Variants in CFAP20DC observed in about 807,000 individuals in gnomAD.
CFAP20DC encodes the protein protein CFAP20DC.
In CFAP20DC, 84 loss-of-function variants were observed where a neutral mutation model predicts 101.7. The ratio of observed to expected loss-of-function variants is 0.83; its 90% confidence interval spans 0.69 to 0.99. The LOEUF (loss-of-function observed/expected upper bound fraction) is 0.99, where lower values mean the gene tolerates loss of function less well. Ranked by LOEUF, CFAP20DC falls within the 50% of genes least tolerant of loss-of-function variation. The pLI is 0.00. For synonymous variants in CFAP20DC, 359 were observed against 351.2 expected, an observed-to-expected ratio of 1.02 and a Z score of -0.25; for missense variants, 1,007 against 970.3, an observed-to-expected ratio of 1.04 and a Z score of -0.50.
rs1318596483 is a variant in CFAP20DC, at chr3:58,727,889, T to C, written c.198-10261A>G. The C allele has an allele frequency of 2.0e-5, 3 of 152,366 alleles. No homozygotes were observed. In the East Asian group the frequency reaches 5.8e-4, roughly 29 times the overall value. 9.4% of individuals were successfully genotyped at this position (152,366 alleles called of 1,614,324 possible). On this transcript the variant is annotated intron_variant, in intron 3 of 3. Coordinates refer to the CFAP20DC transcript ENST00000486145. ...GATGGAGAAGCCAGCATCTTGAACA[T>C]TACAGTTGCTATGTAGAGTGGAAAA...
rs538601252 is a variant in CFAP20DC at position 58,898,394 on chromosome 3, G to C, written c.551-13685C>G. On this transcript the variant is annotated intron_variant, in intron 6 of 16. Coordinates refer to ENST00000482387, the MANE Select transcript of CFAP20DC (RefSeq NM_001394063.1). ...TTCACCATGTTGGCCAGTCTGGTCT[G>C]AAACTCCTGAGCTCAAGTGATCCAC... Among the ~76,000 whole-genome samples the C allele has an allele frequency of 2.0e-5, 3 of 152,186 alleles. No homozygotes were observed. In the South Asian group the frequency reaches 6.2e-4, roughly 32 times the overall value.
At chr3:58,836,036 T>G (rs756910305) in intron 13 of CFAP20DC, among the ~76,000 whole-genome samples, 1 of 152,174 alleles carries the variant, frequency 6.6e-6, no homozygotes, top group Non-Finnish European at 1.5e-5. Context: ...CTGAAGGCTA[T>G]GTACAATTCA....
At chr3:58,923,766 A>G (rs2085649019) in intron 5 of CFAP20DC, among the ~76,000 whole-genome samples, 2 of 152,108 alleles carry the variant, frequency 1.3e-5, no homozygotes, top group African/African-American at 2.4e-5. Context: ...GAGCTTATTC[A>G]ATCTGTATAT....
At chr3:58,851,212 C>T (rs1465977710) in intron 12 of CFAP20DC, among the ~76,000 whole-genome samples, 1 of 152,108 alleles carries the variant, frequency 6.6e-6, no homozygotes, top group Non-Finnish European at 1.5e-5. Flanking sequence ...GTCACAATGA[C>T]ACACAATAGA....
At chr3:58,840,418 CA>C (rs973689308) in intron 13 of CFAP20DC, among the ~76,000 whole-genome samples, 3 of 152,170 alleles carry the variant, frequency 2.0e-5, no homozygotes, top group Non-Finnish European at 4.4e-5. Flanking sequence ...GCTGTGTGAA[CA>C]AGGTAGACAC....
chr3:58,782,922 A>T (rs2071973963), intron 15 of CFAP20DC, among the ~76,000 whole-genome samples: 1 of 152,042 alleles, frequency 6.6e-6, no homozygotes, highest in South Asian at 2.1e-4. Flanking sequence ...TAAAGTTTGT[A>T]TTCAGCCACG....
chr3:58,856,608 G>C (rs955446659), intron 12 of CFAP20DC, among the ~76,000 whole-genome samples: 1 of 152,150 alleles, frequency 6.6e-6, no homozygotes, highest in Non-Finnish European at 1.5e-5. Context: ...AAACTCGAAA[G>C]ACTGTCAGAG....
intron 5 of CFAP20DC, among the ~76,000 whole-genome samples, chr3:58,916,466 T>C (rs1320935449): frequency 6.6e-6 from 1 of 152,168 alleles, no homozygotes; most frequent in Non-Finnish European, 1.5e-5. Context: ...CCTGGACTCA[T>C]GCTTCATGGA....
At chr3:59,021,710 T>C (rs1201926896) in intron 4 of CFAP20DC, among the ~76,000 whole-genome samples, 3 of 151,950 alleles carry the variant, frequency 2.0e-5, no homozygotes, top group Non-Finnish European at 2.9e-5. Context: ...ATATGCACAA[T>C]GGTAAGCAAT....
rs527919284 is a variant in CFAP20DC, at chr3:58,983,849, T to C, written c.279-46087A>G. On this transcript the variant is annotated intron_variant, in intron 4 of 16. Coordinates refer to ENST00000482387, the MANE Select transcript of CFAP20DC (RefSeq NM_001394063.1). ...TGAGGCACAAGGACACTAAGTAACCTACCTAGGATCACATGGCTAGTGAGT... is the reference window on the plus strand; with the variant it reads ...TGAGGCACAAGGACACTAAGTAACCCACCTAGGATCACATGGCTAGTGAGT... Among the ~76,000 whole-genome samples, 95 of 152,300 alleles carry C rather than the reference T, an allele frequency of 6.2e-4. 2 individuals are homozygous for C. In the South Asian group the frequency reaches 0.019, roughly 31 times the overall value.
At chr3:58,806,908 G>C (rs557293017) in intron 14 of CFAP20DC, among the ~76,000 whole-genome samples, 1 of 152,244 alleles carries the variant, frequency 6.6e-6, no homozygotes, top group Non-Finnish European at 1.5e-5. Flanking sequence ...GGCGCACCAG[G>C]AGATTATATC....
At chr3:58,808,462 C>A (rs2074307438) in intron 14 of CFAP20DC, among the ~76,000 whole-genome samples, 1 of 152,202 alleles carries the variant, frequency 6.6e-6, no homozygotes, top group African/African-American at 2.4e-5. Flanking sequence ...TCCAGCCAAA[C>A]TAAGCTTCAT....
At chr3:58,775,745 C>CTTT (rs745494338) in intron 15 of CFAP20DC, among the ~76,000 whole-genome samples, 2 of 133,716 alleles carry the variant, frequency 1.5e-5, no homozygotes, top group African/African-American at 2.8e-5. Flanking sequence ...CCTTTTCTGT[C>CTTT]TTTTTTTTTT....
chr3:58,770,521 A>C (rs1467170064), intron 15 of CFAP20DC, among the ~76,000 whole-genome samples: 1 of 152,196 alleles, frequency 6.6e-6, no homozygotes, highest in East Asian at 1.9e-4. Flanking sequence ...TTCTAGCAAA[A>C]GTCATGAAAG....
At chr3:58,781,883 T>C (rs566566289) in intron 15 of CFAP20DC, among the ~76,000 whole-genome samples, 33 of 151,994 alleles carry the variant, frequency 2.2e-4, no homozygotes, top group African/African-American at 7.5e-4. Context: ...TCTTGAACTA[T>C]CCCAAAAATT....
At chr3:59,030,325 T>C (rs949376968) in intron 4 of CFAP20DC, among the ~76,000 whole-genome samples, 1 of 152,232 alleles carries the variant, frequency 6.6e-6, no homozygotes, top group Admixed American at 6.5e-5. Context: ...CCATACTTGT[T>C]ATTCCACTTT....
chr3:58,932,470 G>A (rs1429599609), intron 5 of CFAP20DC, among the ~76,000 whole-genome samples: 10 of 152,032 alleles, frequency 6.6e-5, no homozygotes, highest in Non-Finnish European at 1.3e-4. Context: ...ACACATAATT[G>A]TCAGATTCAC....
rs1307209609 is a variant in CFAP20DC at position 58,853,870 on chromosome 3, C to T, written c.1594-4461G>A. ...AGAGCTATCTATGACAAACCCACAG[C>T]CAATATCATACTGAATGGGCAAAAA... is the stretch of plus-strand genomic sequence containing the variant. On this transcript the variant is annotated intron_variant, in intron 12 of 16. Coordinates refer to ENST00000482387, the MANE Select transcript of CFAP20DC (RefSeq NM_001394063.1). Among the ~76,000 whole-genome samples, 4 of 151,794 alleles carry T rather than the reference C, an allele frequency of 2.6e-5. No individual in the cohort carries two copies. The East Asian group carries it at 7.7e-4, about 29-fold the overall frequency.
At chr3:58,996,961 T>G (rs1482773737) in intron 4 of CFAP20DC, among the ~76,000 whole-genome samples, 2 of 152,176 alleles carry the variant, frequency 1.3e-5, no homozygotes, top group African/African-American at 4.8e-5. Flanking sequence ...CCTCTTCCTG[T>G]GTGGAATCTG....
Sources: allele counts gnomAD v4.1 joint callset (sites outside exome capture counted in the v4.1 genomes callset), GRCh38; gene constraint gnomAD v4.1.1; transcripts MANE v1.5; gene names NCBI Gene and HGNC (gene_info 2026-07-23, HGNC 2026-07-21).